OR51B5: variants seen among roughly 807,000 people sequenced by gnomAD.
OR51B5 encodes the protein olfactory receptor family 51 subfamily B member 5, also known as olfactory receptor 51B5.
For missense variants in OR51B5, 456 were observed against 374.6 expected (o/e 1.22, Z -1.79); for synonymous variants, 186 against 144.8 (o/e 1.28, Z -2.04).
chr11:5,461,891 A>C (rs1206458061), intron 1 of OR51B5, among the ~76,000 whole-genome samples: 1 of 152,128 alleles, frequency 6.6e-6, no homozygotes, highest in Non-Finnish European at 1.5e-5. Flanking sequence ...TCCACTCTGG[A>C]TGCCTTCTTT....
chr11:5,410,680 T>C (rs1310830236), intron 1 of OR51B5, among the ~76,000 whole-genome samples: 2 of 152,162 alleles, frequency 1.3e-5, no homozygotes, highest in Non-Finnish European at 2.9e-5. Context: ...TAAGGCATCA[T>C]TATCCTAGGA....
chr11:5,364,595 G>A (rs1019412455), intron 1 of OR51B5, among the ~76,000 whole-genome samples: 8 of 82,140 alleles, frequency 9.7e-5, no homozygotes, highest in African/African-American at 4.1e-4. Flanking sequence ...AATAAACTAA[G>A]CGTGAGAGGT....
chr11:5,351,406 G>A, intron 1 of OR51B5: 2 of 812,240 alleles, frequency 2.5e-6, no homozygotes, highest in South Asian at 3.6e-5. Flanking sequence ...CAGGACTGGT[G>A]AACATCTTAT....
At chr11:5,458,343 C>T (rs1318735922) in intron 1 of OR51B5, among the ~76,000 whole-genome samples, 1 of 152,162 alleles carries the variant, frequency 6.6e-6, no homozygotes, top group Non-Finnish European at 1.5e-5. Context: ...CAGTAAAATG[C>T]TGCTTTGCTT....
chr11:5,441,143 G>A, intron 1 of OR51B5: 1 of 1,614,000 alleles, frequency 6.2e-7, no homozygotes, highest in Non-Finnish European at 8.5e-7. Context: ...TAGCCACAAA[G>A]CGATCCAAGC....
intron 1 of OR51B5, among the ~76,000 whole-genome samples, chr11:5,394,100 T>C (rs1200676694): frequency 2.0e-5 from 3 of 152,180 alleles, no homozygotes; most frequent in African/African-American, 7.2e-5. Flanking sequence ...TTAAGAGTTA[T>C]AGATTCACAG....
intron 1 of OR51B5, among the ~76,000 whole-genome samples, chr11:5,368,447 A>G (rs768963071): frequency 1.4e-5 from 2 of 141,446 alleles, no homozygotes; most frequent in African/African-American, 5.2e-5. Context: ...CATTGTAAGT[A>G]TTATAGAAAT....
At chr11:5,496,996 A>G (rs542618406) in intron 1 of OR51B5, among the ~76,000 whole-genome samples, 10 of 151,912 alleles carry the variant, frequency 6.6e-5, no homozygotes, top group Non-Finnish European at 1.3e-4. Flanking sequence ...CTCCAACCCC[A>G]TGGGCTATCA....
intron 1 of OR51B5, chr11:5,456,206 G>C (rs1590006739): frequency 6.6e-6 from 1 of 152,174 alleles, no homozygotes; most frequent in East Asian, 1.9e-4. Flanking sequence ...AAACCCAATG[G>C]TGTAACATAG....
intron 1 of OR51B5, among the ~76,000 whole-genome samples, chr11:5,380,031 T>C (rs1380907891): frequency 1.3e-5 from 2 of 151,886 alleles, no homozygotes; most frequent in East Asian, 1.9e-4. Flanking sequence ...TACTCTGTTA[T>C]AGCAAATCAA....
intron 1 of OR51B5, among the ~76,000 whole-genome samples, chr11:5,500,773 C>T (rs772399952): frequency 8.1e-5 from 12 of 148,184 alleles, no homozygotes; most frequent in South Asian, 2.1e-4. Context: ...TGTTTCAAAA[C>T]GACCTTCATA....
At chr11:5,452,644 A>G (rs1265439271) in intron 1 of OR51B5, among the ~76,000 whole-genome samples, 2 of 151,258 alleles carry the variant, frequency 1.3e-5, no homozygotes, top group African/African-American at 4.9e-5. Context: ...TTAGACTATG[A>G]ATGAGCTTTC....
chr11:5,348,817 C>A (rs1396324373), intron 1 of OR51B5, among the ~76,000 whole-genome samples: 1 of 152,062 alleles, frequency 6.6e-6, no homozygotes, highest in African/African-American at 2.4e-5. Flanking sequence ...TACTTTGCAT[C>A]CTTCAATCCA....
intron 1 of OR51B5, among the ~76,000 whole-genome samples, chr11:5,410,262 G>T (rs921631521): frequency 4.6e-5 from 7 of 152,062 alleles, no homozygotes; most frequent in Non-Finnish European, 5.9e-5. Context: ...ATGTTGTATT[G>T]GGGTTTAAAC....
chr11:5,371,803 G>C (rs143215153), intron 1 of OR51B5, among the ~76,000 whole-genome samples: 61 of 151,956 alleles, frequency 4.0e-4, no homozygotes, highest in African/African-American at 1.5e-3. Context: ...CAAATGTTTA[G>C]TTTACAGTAC....
At chr11:5,407,891 T>G (rs1392337501) in intron 1 of OR51B5, among the ~76,000 whole-genome samples, 1 of 152,122 alleles carries the variant, frequency 6.6e-6, no homozygotes, top group Non-Finnish European at 1.5e-5. Flanking sequence ...TGTATCCACA[T>G]TTTAATAAAA....
intron 1 of OR51B5, chr11:5,390,412 T>G: frequency 6.6e-7 from 1 of 1,514,548 alleles, no homozygotes; most frequent in South Asian, 1.3e-5. Context: ...TAGAGGCCTA[T>G]AAGAAGGCCC....
chr11:5,422,288 TCCATCCCCGTCTGCTGTCTCTACA>T (rs751730371), intron 1 of OR51B5: 5 of 1,614,096 alleles, frequency 3.1e-6, no homozygotes, highest in Middle Eastern at 1.6e-4. Context: ...CATCTGGATC[TCCATCCCCGTCTGCTGTCTCTACA>T]CCATCTCCAT....
intron 1 of OR51B5, among the ~76,000 whole-genome samples, chr11:5,402,372 C>T (rs891790520): frequency 6.6e-6 from 1 of 152,152 alleles, no homozygotes; most frequent in Non-Finnish European, 1.5e-5. Context: ...ACATAATTTT[C>T]TATCTGCCTA....
Sources: gnomAD v4.1 joint callset for allele counts (sites outside exome capture counted in the v4.1 genomes callset) on GRCh38, gnomAD v4.1.1 for gene constraint, MANE v1.5 for transcripts, NCBI Gene and HGNC (gene_info 2026-07-23, HGNC 2026-07-21) for gene names.